Variants in LAMA5 observed in about 807,000 individuals in gnomAD.
LAMA5 encodes laminin subunit alpha-5.
A neutral mutation model predicts 433.4 loss-of-function variants in LAMA5; 260 were observed. The ratio of observed to expected loss-of-function variants is 0.60; its 90% CI spans 0.54 to 0.66. The LOEUF is 0.66. Ranked by LOEUF, LAMA5 falls within the 30% of genes least tolerant of loss-of-function variation. The probability of loss-of-function intolerance (pLI) is 0.00; values close to 1 mark genes in which losing one functional copy is unlikely to be tolerated. For missense variants in LAMA5, 5,378 were observed against 5,258.5 expected (o/e 1.02, Z -0.70); for synonymous variants, 2,620 against 2,226.6 (o/e 1.18, Z -4.97).
rs1328552361 is a variant in LAMA5, at chr20:62,331,015, C to T, written c.3650+17G>A. On this transcript the variant is annotated intron_variant, in intron 29 of 79. Transcript: ENST00000252999. ...GCCCTCGGCCGCGCCCCTCCCAGCCCCATTACCTGCCATTACCTGTTGGGG... is the reference window on the plus strand; with the variant it reads ...GCCCTCGGCCGCGCCCCTCCCAGCCTCATTACCTGCCATTACCTGTTGGGG... 1 of 1,582,856 alleles carries T rather than the reference C, an allele frequency of 6.3e-7. No individual in the cohort carries two copies. The highest frequency in any genetic ancestry group is 8.6e-7 in the Non-Finnish European group (1 of 1,166,722).
chr20:62,312,365 C>CA, intron 68 of LAMA5, 35 bp downstream of exon 68: 1 of 1,601,186 alleles, frequency 6.2e-7, no homozygotes, highest in Non-Finnish European at 8.5e-7. Flanking sequence ...TGCATGTCCA[C>CA]AGATGCCACC....
chr20:62,314,431 C>G lies in LAMA5; in HGVS notation c.8377G>C (p.Asp2793His), dbSNP rs1198954865. 6.2e-7 allele frequency: 1 copy of G among 1,613,414 alleles called. No homozygotes were observed. The highest frequency in any genetic ancestry group is 1.1e-5 in the South Asian group (1 of 91,088). Residue 2793 changes from aspartate (D) to histidine (H), a missense_variant, in exon 62 of 80, where the codon GAC (aspartate) becomes CAC (histidine). Physicochemically the swap from Asp to His is moderately conservative, Grantham distance 81 (BLOSUM62 -1). Coordinates refer to ENST00000252999, the MANE Select transcript of LAMA5 (RefSeq NM_005560.6). ...MYMGSRQATG[D>H]YMGVSLRDKK... ...TCACGCAGAGACACACCCATGTAGT[C>G]CCCAGTGGCCTGCGGCAGTGACAGA...
chr20:62,320,512 C>T, intron 50 of LAMA5, 47 bp downstream of exon 50: 1 of 1,430,112 alleles, frequency 7.0e-7, no homozygotes. Context: ...CCGCGGGGAA[C>T]ACAGGTGAAA....
chr20:62,337,180 C>T (rs777658106), intron 16 of LAMA5, among the ~76,000 whole-genome samples: 39 of 92,360 alleles, frequency 4.2e-4, no homozygotes, highest in African/African-American at 1.0e-3. Context: ...GCGATACGCG[C>T]ACCCACTTAT....
intron 72 of LAMA5, 38 bp downstream of exon 72, chr20:62,311,363 C>G: frequency 6.6e-7 from 1 of 1,523,888 alleles, no homozygotes; most frequent in Non-Finnish European, 8.8e-7. Context: ...ACCCTTCCAG[C>G]CACCCCAGCT....
chr20:62,345,765 GC>G, intron 11 of LAMA5, 52 bp downstream of exon 11: 1 of 1,312,172 alleles, frequency 7.6e-7, no homozygotes. Flanking sequence ...CTGTGAAGCC[GC>G]CCCCATGGCT....
At chr20:62,317,556 CCT>C in intron 54 of LAMA5, 57 bp from the exon 55 acceptor site, 1 of 1,523,058 alleles carries the variant, frequency 6.6e-7, no homozygotes, top group East Asian at 2.3e-5. Flanking sequence ...GATCCACGAC[CCT>C]GAGGGCGGGC....
At position 62,337,880 on chromosome 20, in the gene LAMA5, G is replaced by A; in HGVS notation, c.1950C>T (p.Cys650=). 6.2e-7 allele frequency: 1 copy of A among 1,612,156 alleles called. No homozygotes were observed. Among genetic ancestry groups the A allele is most frequent in the Non-Finnish European group, 8.5e-7 (1 of 1,179,738 alleles). ...TGCCTGTGTAGCCGGGGCGGCAGCGGCACAAACCTCCCGCCCCACAGAGCT... is the reference window on the plus strand; with the variant it reads ...TGCCTGTGTAGCCGGGGCGGCAGCGACACAAACCTCCCGCCCCACAGAGCT... ...LDQLCGAGGL[C]RCRPGYTGTA... The change falls in exon 15 of 80, where the codon TGC becomes TGT. Residue 650 remains cysteine, a synonymous_variant. Transcript: ENST00000252999.
chr20:62,320,110 G>A (rs1383810319), intron 50 of LAMA5, among the ~76,000 whole-genome samples: 2 of 152,040 alleles, frequency 1.3e-5, no homozygotes, highest in African/African-American at 4.8e-5. Context: ...CCTGAGGTCA[G>A]GAGTTCAAGA....
Position 62,311,248 on chromosome 20 carries a change from G to C in LAMA5, c.10002C>G (p.Leu3334=), listed in dbSNP as rs138901668. ...RHPACMLPPH[L]RTTRDSYQFG... ...ACTGGTAGGAGTCTCGGGTGGTCCT[G>C]AGGTGTGGGGGCAGCATGCAGGCAG... The change falls in exon 73 of 80, where the codon CTC becomes CTG. Residue 3334 remains leucine, a synonymous_variant. Coordinates refer to ENST00000252999, the MANE Select transcript of LAMA5 (RefSeq NM_005560.6). 660 of 1,607,984 alleles carry C rather than the reference G, an allele frequency of 4.1e-4. 5 individuals carry two copies. In the African/African-American group the frequency reaches 7.5e-3, roughly 18 times the overall value.
intron 2 of LAMA5, among the ~76,000 whole-genome samples, chr20:62,354,460 C>T (rs1023535386): frequency 4.0e-5 from 6 of 151,872 alleles, no homozygotes; most frequent in Admixed American, 1.3e-4. Flanking sequence ...CCGACATGAC[C>T]GTGGGCCTCC....
chr20:62,364,673 TG>T (rs1986523763), intron 1 of LAMA5, among the ~76,000 whole-genome samples: 1 of 152,310 alleles, frequency 6.6e-6, no homozygotes, highest in Non-Finnish European at 1.5e-5. Context: ...CTTCCCAGGC[TG>T]GGCCGGCCAG....
chr20:62,338,628 A>C lies in LAMA5; in HGVS notation c.1478-20T>G, dbSNP rs1303388575. ...CACAATCTGGAGGGTGGGGACAGGC[A>C]GGGGAGTCTCAGATGCCCTGCAGAC... On this transcript the variant is annotated intron_variant, in intron 11 of 79. Transcript: ENST00000252999. 6.2e-7 allele frequency: 1 copy of C among 1,600,060 alleles called. No individual in the cohort carries two copies. Among genetic ancestry groups the C allele is most frequent in the Non-Finnish European group, 8.5e-7 (1 of 1,176,100 alleles).
chr20:62,319,541 C>T, intron 51 of LAMA5, 143 bp downstream of exon 51: 1 of 617,362 alleles, frequency 1.6e-6, no homozygotes, highest in Non-Finnish European at 2.8e-6. Flanking sequence ...CCCTGCCCTA[C>T]TGTTCACTCC....
chr20:62,324,621 A>G lies in LAMA5; in HGVS notation c.5530-67T>C, dbSNP rs1978938672. ...ACGAGGGGCCCCACCCTGCAAGCTC[A>G]CAAGTCAGACCCTCAGGGATCCTGC... On this transcript the variant is annotated intron_variant, in intron 41 of 79. Transcript: ENST00000252999. The surrounding 1 kb of genome is among the most constrained non-coding windows in gnomAD (Gnocchi z 4.4). 1 of 997,048 alleles carries G rather than the reference A, an allele frequency of 1.0e-6. No homozygotes were observed. Among genetic ancestry groups the G allele is most frequent in the Non-Finnish European group, 1.6e-6 (1 of 640,452 alleles). 61.8% of individuals were successfully genotyped at this position (997,048 alleles called of 1,614,324 possible).
intron 36 of LAMA5, 88 bp downstream of exon 36, chr20:62,327,778 G>A: frequency 6.4e-7 from 1 of 1,570,904 alleles, no homozygotes; most frequent in East Asian, 2.3e-5. Flanking sequence ...CTTCTAGGAA[G>A]CCCCAGCTGC....
chr20:62,309,363 C>A lies in LAMA5; in HGVS notation c.11061G>T (p.Val3687=). Reference sequence around the variant, plus strand: ...AGGCGGCTGGGCAGCCACTGGCCCCCACTGCCCCGTGGACCTCCACAGAGC... The same window carrying A: ...AGGCGGCTGGGCAGCCACTGGCCCCAACTGCCCCGTGGACCTCCACAGAGC... ...MTRSVEVHGA[V]GASGCPAA Residue 3687 remains valine, a synonymous_variant, in exon 80 of 80, where the codon GTG becomes GTT. Transcript: ENST00000252999. The A allele has an allele frequency of 6.3e-7, 1 of 1,590,688 alleles. No individual in the cohort carries two copies. Among genetic ancestry groups the A allele is most frequent in the East Asian group, 2.2e-5 (1 of 44,626 alleles).
intron 2 of LAMA5, among the ~76,000 whole-genome samples, chr20:62,358,633 G>A (rs1236628259): frequency 6.6e-6 from 1 of 152,106 alleles, no homozygotes; most frequent in Non-Finnish European, 1.5e-5. Flanking sequence ...CTCCTCCTGC[G>A]GTGCTCCTCC....
intron 6 of LAMA5, 132 bp from the exon 7 acceptor site, chr20:62,347,160 G>A (rs988927281): frequency 2.1e-5 from 14 of 671,630 alleles, no homozygotes; most frequent in Non-Finnish European, 3.3e-5. Flanking sequence ...CCCCGCTGCT[G>A]TTTCTCCAGC....
Sources: allele counts gnomAD v4.1 joint callset (sites outside exome capture counted in the v4.1 genomes callset), GRCh38; gene constraint gnomAD v4.1.1; non-coding constraint Gnocchi (gnomAD v3.1); transcripts MANE v1.5; gene names NCBI Gene and HGNC (gene_info 2026-07-23, HGNC 2026-07-21).